Variants in ADGRA3 observed in about 807,000 individuals in gnomAD.
The protein encoded by ADGRA3 is G-protein coupled receptor 125.
In ADGRA3, 56 loss-of-function variants were observed where a neutral mutation model predicts 119.8. The observed-to-expected ratio is 0.47, with a 90% CI of 0.38 to 0.58. The LOEUF (loss-of-function observed/expected upper bound fraction) is 0.58, where lower values mean the gene tolerates loss of function less well. Among genes scored for constraint, ADGRA3 ranks in the 20% least tolerant of loss-of-function variants. ADGRA3 has a pLI of 0.00. For missense variants in ADGRA3, 1,516 were observed against 1,649.0 expected, an observed-to-expected ratio of 0.92 and a Z score of 1.40; for synonymous variants, 607 against 623.8, an observed-to-expected ratio of 0.97 and a Z score of 0.40.
At position 22,387,880 on chromosome 4, in the gene ADGRA3, T is replaced by A. The variant is rs144172018; in HGVS notation, c.3791A>T (p.Asp1264Val). Reference sequence around the variant, plus strand: ...AACCACAGCTGGCTTCCTTAACGCATCTTTTTTACTAGTGGTTGAAACTGG... The same window carrying A: ...AACCACAGCTGGCTTCCTTAACGCAACTTTTTTACTAGTGGTTGAAACTGG... ...EKPVSTTSKK[D>V]ALRKPAVVEL... Residue 1264 changes from aspartate (D) to valine (V), a missense_variant, in exon 19 of 19, where the codon GAT (aspartate) becomes GTT (valine). Asp to Val is a radical substitution (Grantham distance 152, BLOSUM62 -3). Around this residue, in one of 2 missense-constraint regions of ADGRA3, gnomAD observed 1,088 missense variants for 1,107.1 expected, o/e 0.98. Transcript: ENST00000334304. 2 of 1,614,054 alleles carry A rather than the reference T, an allele frequency of 1.2e-6. No individual in the cohort carries two copies.
rs770854020 is a variant in ADGRA3 at position 22,402,659 on chromosome 4, G to C, written c.2357+16C>G. The C allele has an allele frequency of 1.2e-6, 2 of 1,605,354 alleles. No homozygotes were observed. Among genetic ancestry groups the C allele is most frequent in the South Asian group, 1.1e-5 (1 of 88,680 alleles). ...TCAAAGTCCGCAGATCTATTTTGTC[G>C]AGATGTATTTCTTACCTGTGATGGT... On this transcript the variant is annotated intron_variant, in intron 15 of 18. Transcript: ENST00000334304.
Position 22,493,291 on chromosome 4 carries a change from T to C in ADGRA3, c.258-19448A>G, listed in dbSNP as rs529212456. On this transcript the variant is annotated intron_variant, in intron 1 of 18. Coordinates refer to ENST00000334304, the MANE Select transcript of ADGRA3 (RefSeq NM_145290.4). Reference sequence around the variant, plus strand: ...TCCACCTTTCCATTTCGGTATCTTTTTAATCTCATCTAACACTCAGGCAAT... The same window carrying C: ...TCCACCTTTCCATTTCGGTATCTTTCTAATCTCATCTAACACTCAGGCAAT... Among the ~76,000 whole-genome samples, 5 of 152,244 alleles carry C rather than the reference T, an allele frequency of 3.3e-5. No individual in the cohort carries two copies. In the East Asian group the frequency reaches 9.7e-4, roughly 29 times the overall value.
intron 1 of ADGRA3, among the ~76,000 whole-genome samples, chr4:22,507,857 T>C (rs148835275): frequency 6.6e-6 from 1 of 152,198 alleles, no homozygotes; most frequent in Non-Finnish European, 1.5e-5. Context: ...ATCAAGGAGA[T>C]CACATGTGAC....
At chr4:22,497,106 G>A (rs1718855689) in intron 1 of ADGRA3, among the ~76,000 whole-genome samples, 1 of 152,150 alleles carries the variant, frequency 6.6e-6, no homozygotes, top group Admixed American at 6.5e-5. Context: ...AGAGTTAGGT[G>A]GGGAACAGAG....
chr4:22,425,732 C>T (rs187583938), intron 10 of ADGRA3, among the ~76,000 whole-genome samples: 127 of 152,286 alleles, frequency 8.3e-4, no homozygotes, highest in Non-Finnish European at 1.6e-3. Context: ...CGTTTTGTAT[C>T]CAATACACTT....
In ADGRA3 at chr4:22,402,127, G is replaced by A. The variant is rs548827412; in HGVS notation, c.2357+548C>T. 5.9e-5 allele frequency among the ~76,000 whole-genome samples: 9 copies of A among 152,166 alleles called. No homozygotes were observed. In the East Asian group the frequency reaches 7.7e-4, roughly 13 times the overall value. ...ATTCTAGCAAAACGTTTTGTAAAGC[G>A]AATTTCTGCTTAGCGTATCCTTTTA... On this transcript the variant is annotated intron_variant, in intron 15 of 18. Coordinates refer to ENST00000334304, the MANE Select transcript of ADGRA3 (RefSeq NM_145290.4).
chr4:22,450,630 T>C (rs949808502), intron 4 of ADGRA3, among the ~76,000 whole-genome samples: 1 of 152,130 alleles, frequency 6.6e-6, no homozygotes, highest in African/African-American at 2.4e-5. Flanking sequence ...TAGATAACAT[T>C]TGAATTCCTA....
chr4:22,515,710 G>A lies in ADGRA3; in HGVS notation c.75C>T (p.Leu25=), dbSNP rs1268450051. ...LLLPLSLLAL[L]ALLGGGGGGG... ...CGCCGCCGCCGCCTCCCAGCAGCGC[G>A]AGCAGCGCTAACAGCGAGAGCGGCA... The change falls in exon 1 of 19, where the codon CTC becomes CTT. Residue 25 remains leucine, a synonymous_variant. Coordinates refer to ENST00000334304, the MANE Select transcript of ADGRA3 (RefSeq NM_145290.4). 1.5e-5 allele frequency: 16 copies of A among 1,067,404 alleles called. No individual in the cohort carries two copies. In the South Asian group the frequency reaches 2.1e-4, roughly 14 times the overall value. 66.1% of individuals were successfully genotyped at this position (1,067,404 alleles called of 1,614,324 possible). A position where few individuals can be genotyped will look rare whatever the true frequency, so the allele number is the denominator to read the frequency against.
At chr4:22,454,143 G>A (rs992582144) in intron 4 of ADGRA3, among the ~76,000 whole-genome samples, 2 of 152,138 alleles carry the variant, frequency 1.3e-5, no homozygotes, top group African/African-American at 2.4e-5. Context: ...TTACAGGCGT[G>A]AGCCACTGTT....
chr4:22,463,521 G>A (rs980342873), intron 2 of ADGRA3, among the ~76,000 whole-genome samples: 2 of 152,082 alleles, frequency 1.3e-5, no homozygotes, highest in Admixed American at 1.3e-4. Context: ...AGAAAGCAGC[G>A]GGCATCCCTT....
At chr4:22,496,038 T>A (rs73802838) in intron 1 of ADGRA3, among the ~76,000 whole-genome samples, 3,490 of 152,242 alleles carry the variant, frequency 0.023, 136 homozygotes, top group African/African-American at 0.079. Context: ...ATCATTTTTT[T>A]AAAAAAAGAT....
At chr4:22,468,644 C>T (rs1717747818) in intron 2 of ADGRA3, among the ~76,000 whole-genome samples, 1 of 151,926 alleles carries the variant, frequency 6.6e-6, no homozygotes, top group South Asian at 2.1e-4. Context: ...TGGCACACAC[C>T]TGTAATCCCA....
intron 2 of ADGRA3, among the ~76,000 whole-genome samples, chr4:22,472,760 G>C (rs1717899719): frequency 6.6e-6 from 1 of 152,164 alleles, no homozygotes; most frequent in Admixed American, 6.5e-5. Context: ...ACGCAGAGAA[G>C]TGGAGAAAGT....
chr4:22,451,530 T>C (rs1175089658), intron 4 of ADGRA3, among the ~76,000 whole-genome samples: 1 of 151,904 alleles, frequency 6.6e-6, no homozygotes, highest in Non-Finnish European at 1.5e-5. Flanking sequence ...GATCAATATA[T>C]AGAATTAATC....
At chr4:22,428,982 G>A (rs1469189754) in intron 10 of ADGRA3, among the ~76,000 whole-genome samples, 2 of 152,082 alleles carry the variant, frequency 1.3e-5, no homozygotes, top group African/African-American at 2.4e-5. Flanking sequence ...GGGGAAAAGA[G>A]GTCAAGAAGA....
rs199630876 is a variant in ADGRA3, at chr4:22,406,157, T to TA, written c.2233-3359dup. ...AAATGACAAGATTTCATTCTTTTTT[T>TA]ATGACTGAATAGTACTCCTTGGTGT... On this transcript the variant is annotated intron_variant, in intron 14 of 18. Coordinates refer to ENST00000334304, the MANE Select transcript of ADGRA3 (RefSeq NM_145290.4). Among the ~76,000 whole-genome samples the TA allele has an allele frequency of 5.4e-3, 826 of 152,330 alleles. 5 individuals carry two copies. The highest frequency in any genetic ancestry group is 0.044 in the Middle Eastern group (13 of 294).
chr4:22,447,540 A>T, intron 4 of ADGRA3, 29 bp from the exon 5 acceptor site: 3 of 1,267,372 alleles, frequency 2.4e-6, no homozygotes, highest in Non-Finnish European at 2.2e-6. Context: ...TTTCACTTTT[A>T]AAAATACAAT....
intron 2 of ADGRA3, among the ~76,000 whole-genome samples, chr4:22,462,608 C>G (rs1325419419): frequency 1.3e-5 from 2 of 152,178 alleles, no homozygotes; most frequent in Non-Finnish European, 2.9e-5. Flanking sequence ...AGCCACTGCA[C>G]TCAGCCTACG....
chr4:22,509,130 C>A (rs1719345877), intron 1 of ADGRA3, among the ~76,000 whole-genome samples: 2 of 152,174 alleles, frequency 1.3e-5, no homozygotes, highest in South Asian at 4.1e-4. Flanking sequence ...GGCTTACATG[C>A]AGGGGAGAGA....
Sources: allele counts gnomAD v4.1 joint callset (sites outside exome capture counted in the v4.1 genomes callset), GRCh38; gene constraint gnomAD v4.1.1; regional missense constraint gnomAD v4.1.1; transcripts MANE v1.5; gene names NCBI Gene and HGNC (gene_info 2026-07-23, HGNC 2026-07-21).